The following COL6A6 variants were observed in gnomAD, a reference collection of about 807,000 sequenced individuals.
The protein encoded by COL6A6 is collagen alpha-6(VI) chain.
COL6A6 carries 183 observed loss-of-function variants against 208.6 expected under a neutral mutation model. That is an observed-to-expected ratio of 0.88 (90% CI 0.78 to 0.99). The LOEUF is 0.99. Ranked by LOEUF, COL6A6 falls within the 50% of genes least tolerant of loss-of-function variation. The pLI, the probability that COL6A6 is intolerant of heterozygous loss-of-function variation, is 0.00. For synonymous variants in COL6A6, 973 were observed against 1,011.8 expected, an observed-to-expected ratio of 0.96 and a Z score of 0.73; for missense variants, 2,816 against 2,815.2, an observed-to-expected ratio of 1.00 and a Z score of -0.01.
Position 130,593,101 on chromosome 3 carries a change from A to T in COL6A6, c.4412A>T (p.Glu1471Val). 1 of 1,613,676 alleles carries T rather than the reference A, an allele frequency of 6.2e-7. No homozygotes were observed. ...GENGIDGLNGEQGDNGLPGRK... is the reference protein window; with the variant it reads ...GENGIDGLNGVQGDNGLPGRK... ...AATGGAATTGACGGATTAAACGGAG[A>T]ACAGGTAGAGCCTTCTTGTACCATA... The change falls in exon 16 of 37, where the codon GAA (glutamate) becomes GTA (valine). Residue 1471 changes from glutamate (E) to valine (V), a missense_variant. Physicochemically the swap from Glu to Val is moderately radical, Grantham distance 121 (BLOSUM62 -2). Transcript: ENST00000358511.
chr3:130,656,235 C>T (rs1164417562), intron 33 of COL6A6, among the ~76,000 whole-genome samples: 1 of 152,236 alleles, frequency 6.6e-6, no homozygotes, highest in Non-Finnish European at 1.5e-5. Context: ...TGTTTTAGCT[C>T]TACCATTCAG....
At chr3:130,591,886 G>A (rs1056811349) in intron 13 of COL6A6, among the ~76,000 whole-genome samples, 18 of 152,192 alleles carry the variant, frequency 1.2e-4, no homozygotes, top group Admixed American at 9.8e-4. Flanking sequence ...ACATTTGAAG[G>A]ATGAATAGGA....
Position 130,641,639 on chromosome 3 carries a change from A to C in COL6A6, c.5092-13A>C. On this transcript the variant is annotated splice_polypyrimidine_tract_variant and intron_variant, in intron 28 of 36. Coordinates refer to ENST00000358511, the MANE Select transcript of COL6A6 (RefSeq NM_001102608.3). ...ATGTATAAATACAATTTTAAAATAA[A>C]TTCTCCTTTGAGATATCTGCTGGGC... 1 of 1,502,304 alleles carries C rather than the reference A, an allele frequency of 6.7e-7. No homozygotes were observed. Among genetic ancestry groups the C allele is most frequent in the Middle Eastern group, 2.0e-4 (1 of 4,990 alleles). The allele number at this position is 1,502,304 out of a possible 1,614,324, so 93.1% of individuals were successfully genotyped here.
chr3:130,673,273 G>A (rs1020000388), intron 36 of COL6A6, among the ~76,000 whole-genome samples: 1 of 145,062 alleles, frequency 6.9e-6, no homozygotes, highest in South Asian at 2.2e-4. Flanking sequence ...AGTGAAAAAC[G>A]GAAATTCAAA....
At position 130,531,061 on chromosome 3, in the gene COL6A6, G is replaced by GTCTCTCTCTC. The variant is rs10662894; in HGVS notation, c.-32+13684_-32+13693dup. On this transcript the variant is annotated intron_variant, in intron 1 of 36. Transcript: ENST00000358511. ...ACAGACACACACACACACACACACA[G>GTCTCTCTCTC]TCTCTCTCTCTCTCTCTCTCTCTCT... Among the ~76,000 whole-genome samples the GTCTCTCTCTC allele has an allele frequency of 3.0e-4, 41 of 136,654 alleles. No homozygotes were observed. The East Asian group carries it at 5.2e-3, about 17-fold the overall frequency. The allele number at this position is 136,654 out of a possible 152,430, so 89.7% of individuals were successfully genotyped here.
At chr3:130,654,090 CTAAAT>C (rs1286949380) in intron 33 of COL6A6, among the ~76,000 whole-genome samples, 1 of 152,140 alleles carries the variant, frequency 6.6e-6, no homozygotes, top group African/African-American at 2.4e-5. Context: ...AAACACTGCT[CTAAAT>C]TAAGTTAGAG....
chr3:130,589,161 T>G lies in COL6A6; in HGVS notation c.4197T>G (p.Asp1399Glu), dbSNP rs1330273358. 4.3e-6 allele frequency: 7 copies of G among 1,613,714 alleles called. No homozygotes were observed. The highest frequency in any genetic ancestry group is 5.9e-6 in the Non-Finnish European group (7 of 1,179,628). Residue 1399 changes from aspartate (D) to glutamate (E), a missense_variant, in exon 12 of 37, where the codon GAT (aspartate) becomes GAG (glutamate). Asp to Glu is a conservative substitution (Grantham distance 45). Transcript: ENST00000358511. ...TTGGAGGAGATGGCACAATGGGAGA[T>G]CCTGGACCACCAGGGAAAAGGGTGA... ...KCIGGDGTMG[D>E]PGPPGKRGPP...
intron 12 of COL6A6, among the ~76,000 whole-genome samples, chr3:130,590,282 TA>T (rs2063652666): frequency 1.3e-4 from 3 of 23,078 alleles, no homozygotes; most frequent in Non-Finnish European, 1.9e-4. Context: ...TATATATATA[TA>T]TATATATATA....
intron 1 of COL6A6, among the ~76,000 whole-genome samples, chr3:130,553,736 T>G (rs2062700969): frequency 6.6e-6 from 1 of 152,216 alleles, no homozygotes; most frequent in Non-Finnish European, 1.5e-5. Context: ...TCTGGTTTTT[T>G]GAGTTGCCAG....
rs1461886777 is a variant in COL6A6 at position 130,642,988 on chromosome 3, CAT to C, written c.5193_5194del (p.Cys1732Ter). 23 of 1,613,904 alleles carry C rather than the reference CAT, an allele frequency of 1.4e-5. No homozygotes were observed. The highest frequency in any genetic ancestry group is 1.6e-4 in the Middle Eastern group (1 of 6,062). ...TTCTGTTTTATTTTCGAACTGCAGA[CAT>C]GTGAGCTCATTCAGTATGTGCGAGA... On this transcript the variant is annotated frameshift_variant and splice_region_variant, in exon 31 of 37. Transcript: ENST00000358511. LOFTEE classifies it high-confidence loss of function.
At position 130,626,566 on chromosome 3, in the gene COL6A6, G is replaced by A; in HGVS notation, c.4941+19G>A. On this transcript the variant is annotated intron_variant, in intron 25 of 36. Coordinates refer to ENST00000358511, the MANE Select transcript of COL6A6 (RefSeq NM_001102608.3). ...CTTGCAGGTTTGTATTTTGACACTA[G>A]TTTTGATCGGATTCTTGGAATCTTT... 1 of 1,585,680 alleles carries A rather than the reference G, an allele frequency of 6.3e-7. No individual in the cohort carries two copies. The highest frequency in any genetic ancestry group is 8.7e-7 in the Non-Finnish European group (1 of 1,154,158).
chr3:130,525,524 T>C (rs1268477793), intron 1 of COL6A6, among the ~76,000 whole-genome samples: 1 of 152,228 alleles, frequency 6.6e-6, no homozygotes, highest in Non-Finnish European at 1.5e-5. Flanking sequence ...AGAGCAGAAA[T>C]GGATCTCACA....
chr3:130,531,178 C>T (rs577924064), intron 1 of COL6A6, among the ~76,000 whole-genome samples: 1 of 151,692 alleles, frequency 6.6e-6, no homozygotes, highest in South Asian at 2.1e-4. Flanking sequence ...TAGGTCCAGG[C>T]TTTTCAACCT....
Position 130,561,767 on chromosome 3 carries a change from C to T in COL6A6, c.65-1301C>T, listed in dbSNP as rs577645003. Among the ~76,000 whole-genome samples, 357 of 151,208 alleles carry T rather than the reference C, an allele frequency of 2.4e-3. 1 individual carries two copies. Among genetic ancestry groups the T allele is most frequent in the Non-Finnish European group, 3.2e-3 (215 of 67,842 alleles). On this transcript the variant is annotated intron_variant, in intron 2 of 36. Transcript: ENST00000358511. Reference sequence around the variant, plus strand: ...TCCCGGGTTCACGCCATTCTCCTGCCTCAGCCTCCCGAGTAGCTGGGACTA... The same window carrying T: ...TCCCGGGTTCACGCCATTCTCCTGCTTCAGCCTCCCGAGTAGCTGGGACTA...
chr3:130,670,234 C>A (rs1019096301), intron 36 of COL6A6, among the ~76,000 whole-genome samples: 1 of 152,196 alleles, frequency 6.6e-6, no homozygotes, highest in Non-Finnish European at 1.5e-5. Context: ...GGGACATAGA[C>A]AAGATGCCGT....
At chr3:130,674,488 T>C (rs1331868105) in intron 36 of COL6A6, among the ~76,000 whole-genome samples, 2 of 152,222 alleles carry the variant, frequency 1.3e-5, no homozygotes, top group Non-Finnish European at 2.9e-5. Flanking sequence ...AGCCAGGCTC[T>C]TTCTGTGCCT....
At chr3:130,534,424 TATG>T (rs2062177866) in intron 1 of COL6A6, among the ~76,000 whole-genome samples, 1 of 152,210 alleles carries the variant, frequency 6.6e-6, no homozygotes, top group African/African-American at 2.4e-5. Context: ...ATTTCTTATT[TATG>T]ATGTCTTTTG....
intron 7 of COL6A6, among the ~76,000 whole-genome samples, chr3:130,572,825 C>G (rs987238417): frequency 6.6e-6 from 1 of 152,192 alleles, no homozygotes; most frequent in African/African-American, 2.4e-5. Context: ...GAATCTCAGA[C>G]ACCTTTAATA....
intron 33 of COL6A6, among the ~76,000 whole-genome samples, chr3:130,655,455 T>C (rs1273421809): frequency 6.6e-6 from 1 of 152,148 alleles, no homozygotes; most frequent in Admixed American, 6.5e-5. Flanking sequence ...TCCAATCTGA[T>C]CTTGGACCCA....
Sources: gnomAD v4.1 joint callset for allele counts (sites outside exome capture counted in the v4.1 genomes callset) on GRCh38, gnomAD v4.1.1 for gene constraint, MANE v1.5 for transcripts, NCBI Gene and HGNC (gene_info 2026-07-23, HGNC 2026-07-21) for gene names.